The following CNTNAP2 variants were observed in gnomAD, a reference collection of about 807,000 sequenced individuals.
The protein encoded by CNTNAP2 is contactin-associated protein-like 2.
CNTNAP2 carries 98 observed loss-of-function variants against 155.2 expected under a neutral mutation model. That is an observed-to-expected ratio of 0.63 (90% confidence interval 0.54 to 0.75). CNTNAP2 has a LOEUF of 0.75. Among genes scored for constraint, CNTNAP2 ranks in the 30% least tolerant of loss-of-function variants. The probability of loss-of-function intolerance (pLI) is 0.00; values close to 1 mark genes in which losing one functional copy is unlikely to be tolerated. For missense variants in CNTNAP2, 1,727 were observed against 1,688.1 expected (o/e 1.02, Z -0.40); for synonymous variants, 651 against 631.2 (o/e 1.03, Z -0.47).
At chr7:146,633,851 A>AAAAAAAAAAAAAAAAC (rs1799553021) in intron 1 of CNTNAP2, among the ~76,000 whole-genome samples, 1 of 132,874 alleles carries the variant, frequency 7.5e-6, no homozygotes, top group African/African-American at 2.7e-5. Flanking sequence ...AAAAAAAAAA[A>AAAAAAAAAAAAAAAAC]AAAAACAGAA....
At chr7:146,180,424 T>TG (rs1798533926) in intron 1 of CNTNAP2, among the ~76,000 whole-genome samples, 1 of 151,750 alleles carries the variant, frequency 6.6e-6, no homozygotes, top group South Asian at 2.1e-4. Flanking sequence ...ATAAAATCAA[T>TG]GGGGCATATA....
intron 1 of CNTNAP2, 33 bp downstream of exon 1, chr7:146,117,006 C>G (rs939547083): frequency 6.6e-7 from 1 of 1,523,674 alleles, no homozygotes; most frequent in Non-Finnish European, 8.9e-7. Flanking sequence ...TGCTCTGGAG[C>G]AGTTTCAGTG....
At chr7:147,224,766 T>TC (rs1194325169) in intron 8 of CNTNAP2, among the ~76,000 whole-genome samples, 2 of 152,016 alleles carry the variant, frequency 1.3e-5, no homozygotes, top group African/African-American at 2.4e-5. Context: ...TATCCATGTT[T>TC]CCCCCCTCTC....
At chr7:147,369,341 C>A (rs921884321) in intron 9 of CNTNAP2, among the ~76,000 whole-genome samples, 1 of 152,202 alleles carries the variant, frequency 6.6e-6, no homozygotes, top group Non-Finnish European at 1.5e-5. Context: ...CCAAGCTAAA[C>A]GTGTCTCATT....
intron 10 of CNTNAP2, among the ~76,000 whole-genome samples, chr7:147,468,710 G>A (rs1798161282): frequency 6.6e-6 from 1 of 152,106 alleles, no homozygotes; most frequent in Non-Finnish European, 1.5e-5. Context: ...GACATTCTCT[G>A]TTTCTGTGTA....
chr7:147,208,186 T>C (rs138936461), intron 8 of CNTNAP2, among the ~76,000 whole-genome samples: 3,092 of 152,016 alleles, frequency 0.02, 107 homozygotes, highest in African/African-American at 0.071. Context: ...CTCTGGGGGG[T>C]CTGCATAGGA....
In CNTNAP2 at chr7:148,327,442, A is replaced by G. The variant is rs73154519; in HGVS notation, c.3476-56207A>G. On this transcript the variant is annotated intron_variant, in intron 21 of 23. Coordinates refer to ENST00000361727, the MANE Select transcript of CNTNAP2 (RefSeq NM_014141.6). ...CAACATCCTCACTGAACTTGTTACT[A>G]TTACCACCATGTACTTAGAGAATGC... Among the ~76,000 whole-genome samples the G allele has an allele frequency of 6.4e-3, 973 of 152,312 alleles. 5 individuals carry two copies. The highest frequency in any genetic ancestry group is 0.011 in the Non-Finnish European group (718 of 68,034).
intron 1 of CNTNAP2, among the ~76,000 whole-genome samples, chr7:146,352,199 C>T (rs917052737): frequency 2.6e-5 from 4 of 152,084 alleles, no homozygotes; most frequent in South Asian, 2.1e-4. Flanking sequence ...CTTGTAACAG[C>T]GTCACAGTTT....
At chr7:148,023,042 C>T (rs1049302699) in intron 15 of CNTNAP2, among the ~76,000 whole-genome samples, 3 of 152,116 alleles carry the variant, frequency 2.0e-5, no homozygotes, top group Non-Finnish European at 4.4e-5. Flanking sequence ...CCCATCCCTG[C>T]CATCATCATT....
At chr7:146,384,386 A>C (rs1795431817) in intron 1 of CNTNAP2, among the ~76,000 whole-genome samples, 1 of 152,178 alleles carries the variant, frequency 6.6e-6, no homozygotes, top group South Asian at 2.1e-4. Flanking sequence ...GCATATCATA[A>C]AATGAGAATC....
chr7:146,999,061 CCTTT>C (rs1305315020), intron 3 of CNTNAP2, among the ~76,000 whole-genome samples: 6 of 151,788 alleles, frequency 4.0e-5, no homozygotes, highest in African/African-American at 7.2e-5. Context: ...ATTCATTCTT[CCTTT>C]CTTTCTTACT....
At chr7:146,723,495 C>T (rs569043814) in intron 1 of CNTNAP2, among the ~76,000 whole-genome samples, 10 of 152,256 alleles carry the variant, frequency 6.6e-5, no homozygotes, top group African/African-American at 2.2e-4. Flanking sequence ...ATACCTATCA[C>T]AAAATATTCA....
intron 15 of CNTNAP2, among the ~76,000 whole-genome samples, chr7:148,051,587 G>A (rs1802890163): frequency 6.6e-6 from 1 of 152,126 alleles, no homozygotes; most frequent in Non-Finnish European, 1.5e-5. Context: ...AAGAAGTAGT[G>A]CATACTGAAA....
At chr7:147,641,155 GAAACATTTTGGAGCTGCTTT>G (rs1443232676) in intron 13 of CNTNAP2, among the ~76,000 whole-genome samples, 1 of 146,172 alleles carries the variant, frequency 6.8e-6, no homozygotes, top group Non-Finnish European at 1.5e-5. Context: ...TGCTAGACAA[GAAACATTTTGGAGCTGCTTT>G]AAAAGACCCC....
chr7:147,592,045 G>A (rs149773423), intron 12 of CNTNAP2, among the ~76,000 whole-genome samples: 82 of 152,188 alleles, frequency 5.4e-4, no homozygotes, highest in Middle Eastern at 3.4e-3. Context: ...TGTCTCCCAG[G>A]TCATGATATC....
chr7:147,276,837 A>G (rs888324976), intron 8 of CNTNAP2, among the ~76,000 whole-genome samples: 5 of 152,042 alleles, frequency 3.3e-5, no homozygotes, highest in Non-Finnish European at 7.4e-5. Context: ...TGACAAAAAA[A>G]AAACTGCAAA....
chr7:148,256,583 G>A (rs983701061), intron 20 of CNTNAP2, among the ~76,000 whole-genome samples: 39 of 152,132 alleles, frequency 2.6e-4, no homozygotes, highest in African/African-American at 8.7e-4. Context: ...GTGCCTTACC[G>A]AGAAGAGGAA....
At chr7:148,125,321 A>G (rs1435856783) in intron 16 of CNTNAP2, among the ~76,000 whole-genome samples, 2 of 151,968 alleles carry the variant, frequency 1.3e-5, no homozygotes, top group Non-Finnish European at 2.9e-5. Context: ...GGTAAATTGC[A>G]TGTCACGGGG....
rs544170706 is a variant in CNTNAP2, at chr7:147,975,490, T to A, written c.2256-2372T>A. On this transcript the variant is annotated intron_variant, in intron 14 of 23. Coordinates refer to ENST00000361727, the MANE Select transcript of CNTNAP2 (RefSeq NM_014141.6). ...ATAGAGATTCCACCATTTAAAGACC[T>A]TGTTTTTATAAAATTACCCATACTA... Among the ~76,000 whole-genome samples, 4 of 152,242 alleles carry A rather than the reference T, an allele frequency of 2.6e-5. No homozygotes were observed. The East Asian group carries it at 7.7e-4, about 29-fold the overall frequency.
Sources: allele counts gnomAD v4.1 joint callset (sites outside exome capture counted in the v4.1 genomes callset), GRCh38; gene constraint gnomAD v4.1.1; transcripts MANE v1.5; gene names NCBI Gene and HGNC (gene_info 2026-07-23, HGNC 2026-07-21).